HERPUD2: variants seen among roughly 807,000 people sequenced by gnomAD.
HERPUD2 encodes homocysteine-responsive endoplasmic reticulum-resident ubiquitin-like domain member 2 protein.
Under a neutral mutation model 49.9 loss-of-function variants are expected in HERPUD2, and 13 were observed. That is an observed-to-expected ratio of 0.26 (90% CI 0.17 to 0.41). The LOEUF (loss-of-function observed/expected upper bound fraction) is 0.41, where lower values mean the gene tolerates loss of function less well. HERPUD2 is among the 10% of genes least tolerant of loss of function. HERPUD2 has a pLI of 1.00. For synonymous variants in HERPUD2, 172 were observed against 171.4 expected, an observed-to-expected ratio of 1.00 and a Z score of -0.03; for missense variants, 449 against 492.2, an observed-to-expected ratio of 0.91 and a Z score of 0.83.
At chr7:35,640,824 C>T (rs1784957231) in intron 5 of HERPUD2, among the ~76,000 whole-genome samples, 1 of 152,106 alleles carries the variant, frequency 6.6e-6, no homozygotes, top group Non-Finnish European at 1.5e-5. Flanking sequence ...TTAAAGAGAA[C>T]TGTTATTTAA....
intron 5 of HERPUD2, among the ~76,000 whole-genome samples, chr7:35,661,899 T>G (rs1414509943): frequency 6.6e-6 from 1 of 152,196 alleles, no homozygotes; most frequent in African/African-American, 2.4e-5. Context: ...TGGCCAGAAC[T>G]TCCAACACTA....
chr7:35,676,996 G>A (rs758285867), intron 2 of HERPUD2, among the ~76,000 whole-genome samples: 3 of 152,100 alleles, frequency 2.0e-5, no homozygotes, highest in Non-Finnish European at 1.5e-5. Flanking sequence ...TCATCATCCT[G>A]ACATTTTTAA....
chr7:35,691,003 C>T (rs900341897), intron 2 of HERPUD2, among the ~76,000 whole-genome samples: 10 of 152,146 alleles, frequency 6.6e-5, no homozygotes, highest in African/African-American at 2.4e-4. Context: ...CACAGAACAT[C>T]CCTCCTGTAT....
chr7:35,656,594 A>G (rs566083945), intron 5 of HERPUD2, among the ~76,000 whole-genome samples: 1 of 152,354 alleles, frequency 6.6e-6, no homozygotes, highest in South Asian at 2.1e-4. Context: ...CCAAAATAGC[A>G]TGGTATTGGT....
At chr7:35,666,989 C>T (rs1458705873) in intron 5 of HERPUD2, among the ~76,000 whole-genome samples, 5 of 152,152 alleles carry the variant, frequency 3.3e-5, no homozygotes, top group Non-Finnish European at 7.4e-5. Flanking sequence ...TTCAAGTATA[C>T]CTTCACTCAA....
At chr7:35,658,338 G>A (rs1785328085) in intron 5 of HERPUD2, among the ~76,000 whole-genome samples, 1 of 152,182 alleles carries the variant, frequency 6.6e-6, no homozygotes. Flanking sequence ...GGTGCTGGGA[G>A]TGGTGGGGGT....
chr7:35,638,732 T>A (rs1337444788), intron 5 of HERPUD2, among the ~76,000 whole-genome samples: 1 of 152,156 alleles, frequency 6.6e-6, no homozygotes, highest in Non-Finnish European at 1.5e-5. Context: ...AAAATGTACA[T>A]CCAATCTAAA....
chr7:35,686,866 G>C (rs1183031883), intron 2 of HERPUD2, among the ~76,000 whole-genome samples: 1 of 115,228 alleles, frequency 8.7e-6, no homozygotes, highest in Non-Finnish European at 1.7e-5. Context: ...AGGAGTTCGA[G>C]ACCAGCCTGG....
intron 5 of HERPUD2, among the ~76,000 whole-genome samples, chr7:35,655,298 G>A (rs1381531120): frequency 6.6e-6 from 1 of 152,140 alleles, no homozygotes; most frequent in African/African-American, 2.4e-5. Context: ...ACAGGTCAAC[G>A]ATGAACACAG....
intron 2 of HERPUD2, 142 bp from the exon 3 acceptor site, chr7:35,673,420 G>T: frequency 1.6e-6 from 1 of 609,720 alleles, no homozygotes; most frequent in Non-Finnish European, 2.8e-6. Flanking sequence ...AAGAATTTTT[G>T]TTTTTCCAAA....
chr7:35,685,409 C>T (rs754292679), intron 2 of HERPUD2, among the ~76,000 whole-genome samples: 10 of 150,876 alleles, frequency 6.6e-5, no homozygotes, highest in African/African-American at 1.9e-4. Context: ...CAGCAACCTC[C>T]GCCTCCCAGG....
chr7:35,637,160 A>AAGATAGAAAGAT (rs749845304), intron 6 of HERPUD2, among the ~76,000 whole-genome samples: 1 of 144,082 alleles, frequency 6.9e-6, no homozygotes, highest in East Asian at 2.0e-4. Context: ...GAAAGAAAGA[A>AAGATAGAAAGAT]AGATAGATAG....
At position 35,694,262 on chromosome 7, in the gene HERPUD2, G is replaced by A. The variant is rs551665886; in HGVS notation, c.69C>T (p.Asp23=). 6.2e-7 allele frequency: 1 copy of A among 1,614,066 alleles called. No homozygotes were observed. The highest frequency in any genetic ancestry group is 1.3e-5 in the African/African-American group (1 of 74,986). The stretch of plus-strand genomic sequence containing the variant: ...AGTTCAAGAAGCAGCTAATAGTCTG[G>A]TCACTGTATTTCTGATTCGGTGCTT... The part of the protein sequence containing the change: ...IIKAPNQKYS[D]QTISCFLNWT... The change falls in exon 2 of 9, where the codon GAC becomes GAT. Residue 23 remains aspartate (D), a synonymous_variant. Coordinates refer to ENST00000311350, the MANE Select transcript of HERPUD2 (RefSeq NM_022373.5).
chr7:35,686,835 G>C lies in HERPUD2; in HGVS notation c.147+7349C>G, dbSNP rs1244597287. Among the ~76,000 whole-genome samples the C allele has an allele frequency of 6.6e-5, 5 of 75,864 alleles. 1 individual carries two copies. The highest frequency in any genetic ancestry group is 6.6e-3 in the Middle Eastern group (1 of 152). The allele number at this position is 75,864 out of a possible 152,430, so 49.8% of individuals were successfully genotyped here. A position where few individuals can be genotyped will look rare whatever the true frequency, so the allele number is the denominator to read the frequency against. On this transcript the variant is annotated intron_variant, in intron 2 of 8. Coordinates refer to ENST00000311350, the MANE Select transcript of HERPUD2 (RefSeq NM_022373.5). ...GGGGGGGGGGGGTGGGGGGGTGGGG[G>C]GGGGCGCGAGTCACGAGGTCAGGAG...
chr7:35,664,561 C>T (rs1785498222), intron 5 of HERPUD2, among the ~76,000 whole-genome samples: 1 of 152,134 alleles, frequency 6.6e-6, no homozygotes, highest in African/African-American at 2.4e-5. Flanking sequence ...TCACATAGTC[C>T]CATATTTCTT....
chr7:35,671,470 T>C (rs999092589), intron 3 of HERPUD2, among the ~76,000 whole-genome samples: 6 of 152,066 alleles, frequency 3.9e-5, no homozygotes, highest in Non-Finnish European at 8.8e-5. Context: ...ACGTCTCCCT[T>C]AGCTTCTTAA....
intron 5 of HERPUD2, among the ~76,000 whole-genome samples, chr7:35,638,999 A>G (rs1281654712): frequency 6.6e-6 from 1 of 152,154 alleles, no homozygotes; most frequent in Admixed American, 6.6e-5. Flanking sequence ...ACATGTTCAC[A>G]TATACATTCT....
chr7:35,679,314 C>T (rs1004095146), intron 2 of HERPUD2, among the ~76,000 whole-genome samples: 4 of 152,138 alleles, frequency 2.6e-5, no homozygotes, highest in African/African-American at 9.7e-5. Flanking sequence ...TTGTATTTAA[C>T]CCAAAATACA....
intron 5 of HERPUD2, among the ~76,000 whole-genome samples, chr7:35,648,734 T>C (rs1278008040): frequency 6.6e-6 from 1 of 152,178 alleles, no homozygotes; most frequent in African/African-American, 2.4e-5. Context: ...ATTACTGATC[T>C]AAAGAGAATG....
Sources: gnomAD v4.1 joint callset for allele counts (sites outside exome capture counted in the v4.1 genomes callset) on GRCh38, gnomAD v4.1.1 for gene constraint, MANE v1.5 for transcripts, NCBI Gene and HGNC (gene_info 2026-07-23, HGNC 2026-07-21) for gene names.